Variants in PLPPR1 observed in about 807,000 individuals in gnomAD.
PLPPR1 encodes phospholipid phosphatase related 1, also known as phospholipid phosphatase-related protein type 1.
PLPPR1 carries 10 observed loss-of-function variants against 33.1 expected under a neutral mutation model. The observed-to-expected ratio is 0.30, with a 90% CI of 0.19 to 0.51. The LOEUF is 0.51. Ranked by LOEUF, PLPPR1 falls within the 20% of genes least tolerant of loss-of-function variation. PLPPR1 has a pLI of 0.97. For synonymous variants in PLPPR1, 151 were observed against 151.0 expected (o/e 1.00, Z 0.00); for missense variants, 304 against 408.1 (o/e 0.74, Z 2.20).
intron 1 of PLPPR1, among the ~76,000 whole-genome samples, chr9:101,080,957 G>C (rs1588019962): frequency 6.6e-6 from 1 of 152,276 alleles, no homozygotes; most frequent in East Asian, 1.9e-4. Flanking sequence ...AGTATCTGGT[G>C]CCATTGATTC....
chr9:101,223,342 A>G (rs1826992980), intron 2 of PLPPR1, among the ~76,000 whole-genome samples: 1 of 151,180 alleles, frequency 6.6e-6, no homozygotes, highest in Admixed American at 6.6e-5. Context: ...TTTCCAAAAA[A>G]AAAAACCTTA....
At chr9:101,165,164 A>G (rs1825837849) in intron 1 of PLPPR1, among the ~76,000 whole-genome samples, 1 of 152,232 alleles carries the variant, frequency 6.6e-6, no homozygotes, top group Non-Finnish European at 1.5e-5. Context: ...TAGGAAGTTA[A>G]ATAAGAACTT....
chr9:101,292,459 C>T (rs1290116818), intron 4 of PLPPR1, among the ~76,000 whole-genome samples: 6 of 152,110 alleles, frequency 3.9e-5, no homozygotes, highest in African/African-American at 7.2e-5. Context: ...ACATACTCCT[C>T]GAGAAGAGCA....
chr9:101,298,317 C>T (rs980099678), intron 4 of PLPPR1, among the ~76,000 whole-genome samples: 3 of 152,102 alleles, frequency 2.0e-5, no homozygotes, highest in Admixed American at 6.6e-5. Flanking sequence ...AGGTCCGGTC[C>T]GAGGATTAGG....
intron 4 of PLPPR1, among the ~76,000 whole-genome samples, chr9:101,295,843 A>G (rs925127550): frequency 3.3e-5 from 5 of 150,802 alleles, no homozygotes; most frequent in Non-Finnish European, 7.4e-5. Flanking sequence ...TAAAACCATA[A>G]AAACCCTAGA....
At chr9:101,031,592 A>G (rs1829946505) in intron 1 of PLPPR1, among the ~76,000 whole-genome samples, 1 of 152,240 alleles carries the variant, frequency 6.6e-6, no homozygotes, top group Non-Finnish European at 1.5e-5. Flanking sequence ...ATAAGAAAGT[A>G]AAAAATGGTC....
intron 2 of PLPPR1, among the ~76,000 whole-genome samples, chr9:101,265,520 C>T (rs1034675151): frequency 3.9e-5 from 6 of 152,106 alleles, no homozygotes; most frequent in African/African-American, 1.2e-4. Flanking sequence ...CCAGCTGGCA[C>T]CAGTGACATA....
chr9:101,079,185 A>C (rs1043181550), intron 1 of PLPPR1, among the ~76,000 whole-genome samples: 2 of 152,008 alleles, frequency 1.3e-5, no homozygotes, highest in Non-Finnish European at 2.9e-5. Context: ...ATTCCCATGG[A>C]CTTCTGACCT....
chr9:101,172,527 T>A (rs1434367968), intron 1 of PLPPR1, among the ~76,000 whole-genome samples: 1 of 152,178 alleles, frequency 6.6e-6, no homozygotes, highest in Non-Finnish European at 1.5e-5. Context: ...GAAAGTATTC[T>A]TGGCCCTGTG....
At chr9:101,237,954 TACAC>T (rs1168931221) in intron 2 of PLPPR1, among the ~76,000 whole-genome samples, 4 of 127,578 alleles carry the variant, frequency 3.1e-5, no homozygotes, top group African/African-American at 1.2e-4. Context: ...TATATATATA[TACAC>T]ACACACACAG....
chr9:101,148,255 G>T (rs143873705), intron 1 of PLPPR1, among the ~76,000 whole-genome samples: 2 of 152,168 alleles, frequency 1.3e-5, no homozygotes, highest in Non-Finnish European at 2.9e-5. Context: ...TGGGGACTCT[G>T]CCCTCTTTTA....
chr9:101,123,382 T>C (rs1177057282), intron 1 of PLPPR1, among the ~76,000 whole-genome samples: 1 of 152,122 alleles, frequency 6.6e-6, no homozygotes, highest in Non-Finnish European at 1.5e-5. Flanking sequence ...ATGTAATGTG[T>C]CCAGTGATAG....
intron 2 of PLPPR1, among the ~76,000 whole-genome samples, chr9:101,197,603 C>T (rs1245431010): frequency 6.6e-6 from 1 of 152,146 alleles, no homozygotes; most frequent in Admixed American, 6.5e-5. Context: ...AATGTGATGC[C>T]TTTTTGGAAC....
At chr9:101,085,905 T>G (rs1830669935) in intron 1 of PLPPR1, among the ~76,000 whole-genome samples, 1 of 152,136 alleles carries the variant, frequency 6.6e-6, no homozygotes, top group Admixed American at 6.5e-5. Context: ...ACCTTAACTC[T>G]AAGTGTCTCT....
At chr9:101,141,292 T>C (rs1831448474) in intron 1 of PLPPR1, among the ~76,000 whole-genome samples, 1 of 152,174 alleles carries the variant, frequency 6.6e-6, no homozygotes, top group African/African-American at 2.4e-5. Flanking sequence ...AAATTCTTAA[T>C]GACTAGGAGG....
At chr9:101,178,499 G>T (rs12376727) in intron 1 of PLPPR1, among the ~76,000 whole-genome samples, 90,539 of 152,010 alleles carry the variant, frequency 0.6, 28,000 homozygotes, top group African/African-American at 0.69. Flanking sequence ...ATCTGTGAAC[G>T]TATGGAATGC....
At chr9:101,199,898 G>A (rs75382763) in intron 2 of PLPPR1, among the ~76,000 whole-genome samples, 127 of 152,224 alleles carry the variant, frequency 8.3e-4, no homozygotes, top group African/African-American at 2.9e-3. Flanking sequence ...CTAGAGATTT[G>A]CATTTTATAA....
chr9:101,066,246 G>T (rs573810125), intron 1 of PLPPR1, among the ~76,000 whole-genome samples: 1 of 152,004 alleles, frequency 6.6e-6, no homozygotes, highest in Non-Finnish European at 1.5e-5. Flanking sequence ...GATGAAAATA[G>T]TCTGTTCTAC....
chr9:101,036,465 A>G (rs1830011918), intron 1 of PLPPR1, among the ~76,000 whole-genome samples: 1 of 152,162 alleles, frequency 6.6e-6, no homozygotes, highest in African/African-American at 2.4e-5. Flanking sequence ...GAAAATGTAA[A>G]GATCATCTAG....
Sources: allele counts gnomAD v4.1 joint callset (sites outside exome capture counted in the v4.1 genomes callset), GRCh38; gene constraint gnomAD v4.1.1; transcripts MANE v1.5; gene names NCBI Gene and HGNC (gene_info 2026-07-23, HGNC 2026-07-21).